Variants in MGRN1 observed in about 807,000 individuals in gnomAD.
MGRN1 encodes E3 ubiquitin-protein ligase MGRN1.
Under a neutral mutation model 69.2 loss-of-function variants are expected in MGRN1, and 29 were observed. That is an observed-to-expected ratio of 0.42 (90% CI 0.31 to 0.57). The LOEUF (loss-of-function observed/expected upper bound fraction) is 0.57. Among genes scored for constraint, MGRN1 ranks in the 20% least tolerant of loss-of-function variants. MGRN1 has a pLI of 0.15. For missense variants in MGRN1, 998 were observed against 796.2 expected (o/e 1.25, Z -3.05); for synonymous variants, 470 against 344.2 (o/e 1.37, Z -4.04).
intron 1 of MGRN1, among the ~76,000 whole-genome samples, chr16:4,631,013 G>A (rs1293434870): frequency 1.3e-5 from 2 of 151,360 alleles, no homozygotes; most frequent in Non-Finnish European, 2.9e-5. Context: ...GTAGAGACAG[G>A]GTTTCACCGT....
chr16:4,673,128 G>T (rs537688662), intron 9 of MGRN1, among the ~76,000 whole-genome samples: 1 of 152,194 alleles, frequency 6.6e-6, no homozygotes, highest in African/African-American at 2.4e-5. Context: ...GTGAGCCACC[G>T]CGCCTGACCA....
chr16:4,628,332 G>A (rs1897802442), intron 1 of MGRN1, among the ~76,000 whole-genome samples: 1 of 146,560 alleles, frequency 6.8e-6, no homozygotes, highest in Non-Finnish European at 1.5e-5. Flanking sequence ...CTTGCAGTGA[G>A]CCGAGATCAC....
intron 2 of MGRN1, 67 bp from the exon 3 acceptor site, chr16:4,651,896 C>T: frequency 6.9e-7 from 1 of 1,446,202 alleles, no homozygotes; most frequent in Non-Finnish European, 9.7e-7. Flanking sequence ...CTGCTGCACC[C>T]TGACCCGTTT....
chr16:4,673,365 C>T (rs1046262737), intron 9 of MGRN1, 133 bp from the exon 10 acceptor site: 3 of 1,208,862 alleles, frequency 2.5e-6, no homozygotes, highest in South Asian at 1.4e-5. Flanking sequence ...ACCTCCCCCT[C>T]CCCTCTGGAC....
At chr16:4,687,393 A>G (rs1054011820) in intron 16 of MGRN1, 16 of 918,616 alleles carry the variant, frequency 1.7e-5, no homozygotes, top group Non-Finnish European at 2.0e-5. Context: ...AAAAATAAAA[A>G]ATTGGCTTGG....
intron 11 of MGRN1, among the ~76,000 whole-genome samples, chr16:4,678,464 CAGAG>C (rs1055212375): frequency 6.6e-6 from 1 of 151,136 alleles, no homozygotes; most frequent in African/African-American, 2.4e-5. Flanking sequence ...AAGGGAGAGA[CAGAG>C]AAAGATGTGG....
chr16:4,671,299 G>T, intron 8 of MGRN1, 92 bp from the exon 9 acceptor site: 1 of 1,243,802 alleles, frequency 8.0e-7, no homozygotes, highest in African/African-American at 1.5e-5. Flanking sequence ...TGGAAGCCTG[G>T]TAAGTTGGAG....
chr16:4,664,878 T>G, intron 6 of MGRN1, 103 bp downstream of exon 6: 1 of 1,478,922 alleles, frequency 6.8e-7, no homozygotes, highest in Non-Finnish European at 9.4e-7. Context: ...AGGCCAGGCA[T>G]AGGGCCTTGG....
At chr16:4,683,080 G>C in intron 14 of MGRN1, 134 bp downstream of exon 14, 6 of 1,492,326 alleles carry the variant, frequency 4.0e-6, no homozygotes, top group Non-Finnish European at 5.4e-6. Flanking sequence ...GAGCTGCGCG[G>C]CTCCTTAGCC....
chr16:4,673,816 G>A (rs113912879), intron 10 of MGRN1, among the ~76,000 whole-genome samples, 159 bp downstream of exon 10: 3,729 of 152,220 alleles, frequency 0.024, 58 homozygotes, highest in Non-Finnish European at 0.034. Context: ...GTTGGCTGTC[G>A]GAGTCAGTCA....
chr16:4,679,785 A>G (rs564971150), intron 11 of MGRN1, among the ~76,000 whole-genome samples: 18 of 152,204 alleles, frequency 1.2e-4, no homozygotes, highest in African/African-American at 3.4e-4. Context: ...GGCAATGGGG[A>G]TGAGATTGGG....
Position 4,668,258 on chromosome 16 carries a change from C to G in MGRN1, c.679-7C>G, listed in dbSNP as rs1188636631. ...CACCTTAACCTCTTTGTCTTTCTCC[C>G]CTGCAGCACATGGACGGCAGCTTCT... On this transcript the variant is annotated splice_region_variant and splice_polypyrimidine_tract_variant and intron_variant, in intron 7 of 16. Transcript: ENST00000262370. 1.4e-5 allele frequency: 22 copies of G among 1,613,796 alleles called. No individual in the cohort carries two copies. Among genetic ancestry groups the G allele is most frequent in the Non-Finnish European group, 1.5e-5 (18 of 1,179,902 alleles).
intron 7 of MGRN1, among the ~76,000 whole-genome samples, chr16:4,666,973 G>C (rs7188817): frequency 0.034 from 5,137 of 152,280 alleles, 289 homozygotes; most frequent in African/African-American, 0.12. Context: ...TGGGACGCAC[G>C]CTTGTTTGAT....
At chr16:4,666,472 A>G (rs2078808628) in intron 7 of MGRN1, among the ~76,000 whole-genome samples, 1 of 152,102 alleles carries the variant, frequency 6.6e-6, no homozygotes, top group Non-Finnish European at 1.5e-5. Flanking sequence ...GTTGAGGGAG[A>G]ACATTGTAGA....
intron 12 of MGRN1, chr16:4,681,252 C>T (rs535316253): frequency 3.4e-5 from 15 of 434,896 alleles, no homozygotes; most frequent in African/African-American, 1.4e-4. Context: ...TGGGGCCAGG[C>T]GGGACTGAAA....
In MGRN1 at chr16:4,688,893, G is replaced by C. The variant is rs1438144695; in HGVS notation, c.1716G>C (p.Glu572Asp). ...CCAGCCCCGATCCCAGCGCCGCCGA[G>C]CTGACCCCACTCTGAGAGCCTGGCC... ...GGPSPDPSAA[E>D]LTPL The change falls in exon 17 of 17, where the codon GAG (glutamate) becomes GAC (aspartate). Residue 572 changes from glutamate to aspartate, a missense_variant. Physicochemically the swap from Glu to Asp is conservative, Grantham distance 45. Transcript: ENST00000262370. 1 of 1,548,866 alleles carries C rather than the reference G, an allele frequency of 6.5e-7. No homozygotes were observed. The highest frequency in any genetic ancestry group is 1.9e-5 in the Admixed American group (1 of 51,670).
intron 5 of MGRN1, chr16:4,658,938 A>C (rs1171953794): frequency 1.3e-5 from 2 of 152,248 alleles, no homozygotes; most frequent in Non-Finnish European, 2.9e-5. Context: ...TGGAGGCTGC[A>C]GTGAGCCATG....
intron 5 of MGRN1, among the ~76,000 whole-genome samples, chr16:4,661,608 C>G (rs1438917665): frequency 6.6e-6 from 1 of 152,260 alleles, no homozygotes; most frequent in African/African-American, 2.4e-5. Flanking sequence ...GACTCTGGCC[C>G]TGGGCCAGTG....
At chr16:4,673,357 C>T in intron 9 of MGRN1, 141 bp from the exon 10 acceptor site, 3 of 1,148,758 alleles carry the variant, frequency 2.6e-6, no homozygotes, top group Non-Finnish European at 2.5e-6. Flanking sequence ...CTGGGGCAAC[C>T]TCCCCCTCCC....
Sources: gnomAD v4.1 joint callset for allele counts (sites outside exome capture counted in the v4.1 genomes callset) on GRCh38, gnomAD v4.1.1 for gene constraint, MANE v1.5 for transcripts, NCBI Gene and HGNC (gene_info 2026-07-23, HGNC 2026-07-21) for gene names.